SPOCK1: variants seen among roughly 807,000 people sequenced by gnomAD.
The protein encoded by SPOCK1 is testican-1.
In SPOCK1, 23 loss-of-function variants were observed where a neutral mutation model predicts 55.3. The ratio of observed to expected loss-of-function variants is 0.42; its 90% CI spans 0.30 to 0.59. SPOCK1 has a LOEUF of 0.59. SPOCK1 is among the 20% of genes least tolerant of loss of function. SPOCK1 has a pLI of 0.22. For synonymous variants in SPOCK1, 226 were observed against 221.0 expected, an observed-to-expected ratio of 1.02 and a Z score of -0.20; for missense variants, 499 against 552.5, an observed-to-expected ratio of 0.90 and a Z score of 0.97.
chr5:137,031,814 G>A (rs1364869978), intron 6 of SPOCK1, among the ~76,000 whole-genome samples: 1 of 151,900 alleles, frequency 6.6e-6, no homozygotes, highest in African/African-American at 2.4e-5. Flanking sequence ...AGAATTAAGT[G>A]GGTGGCGAAA....
chr5:137,300,856 T>G (rs916852), intron 2 of SPOCK1, among the ~76,000 whole-genome samples: 128,678 of 152,126 alleles, frequency 0.85, 54,626 homozygotes, highest in African/African-American at 0.9. Flanking sequence ...TGAATGGAGG[T>G]CACCCTCACA....
At chr5:137,420,724 T>C (rs1408003505) in intron 2 of SPOCK1, among the ~76,000 whole-genome samples, 3 of 152,176 alleles carry the variant, frequency 2.0e-5, no homozygotes, top group Non-Finnish European at 4.4e-5. Context: ...TCTATCAATT[T>C]CGTTGATCTT....
chr5:137,105,953 C>T (rs1753359658), intron 5 of SPOCK1, among the ~76,000 whole-genome samples: 1 of 152,184 alleles, frequency 6.6e-6, no homozygotes, highest in Admixed American at 6.5e-5. Context: ...ACAGTGCTGG[C>T]TCTCAAGACT....
intron 2 of SPOCK1, among the ~76,000 whole-genome samples, chr5:137,450,048 T>A (rs190158779): frequency 1.1e-3 from 166 of 151,972 alleles, no homozygotes; most frequent in African/African-American, 3.8e-3. Context: ...CAAACACACA[T>A]GGTAGATACC....
chr5:137,432,769 T>C (rs996197002), intron 2 of SPOCK1, among the ~76,000 whole-genome samples: 1 of 152,196 alleles, frequency 6.6e-6, no homozygotes, highest in Admixed American at 6.5e-5. Context: ...TTTAAATAAA[T>C]TTTTAAAATA....
chr5:136,979,184 C>T (rs1379770639), intron 10 of SPOCK1, 148 bp downstream of exon 10: 4 of 1,172,656 alleles, frequency 3.4e-6, no homozygotes, highest in Non-Finnish European at 4.8e-6. Context: ...CACGGGAGCT[C>T]ATGTGATTTC....
intron 2 of SPOCK1, among the ~76,000 whole-genome samples, chr5:137,293,286 C>A (rs1358015488): frequency 6.6e-6 from 1 of 151,928 alleles, no homozygotes; most frequent in South Asian, 2.1e-4. Context: ...GTTCACAGAG[C>A]CCAACAAATT....
chr5:137,483,461 G>A (rs1173585691), intron 2 of SPOCK1, among the ~76,000 whole-genome samples: 1 of 152,186 alleles, frequency 6.6e-6, no homozygotes, highest in East Asian at 1.9e-4. Context: ...ATAAGGGCAG[G>A]GAATGTTGTC....
intron 2 of SPOCK1, among the ~76,000 whole-genome samples, chr5:137,485,254 G>C (rs1754031464): frequency 2.0e-5 from 3 of 152,094 alleles, no homozygotes; most frequent in Non-Finnish European, 1.5e-5. Flanking sequence ...TTTGTCCCTA[G>C]CACTTAAAAC....
intron 2 of SPOCK1, among the ~76,000 whole-genome samples, chr5:137,294,375 C>T (rs113733468): frequency 2.0e-5 from 3 of 152,252 alleles, no homozygotes; most frequent in Non-Finnish European, 2.9e-5. Flanking sequence ...GTATTAGTTA[C>T]GTTTTATAGG....
At chr5:137,402,022 T>C (rs1207047759) in intron 2 of SPOCK1, among the ~76,000 whole-genome samples, 1 of 152,190 alleles carries the variant, frequency 6.6e-6, no homozygotes, top group Non-Finnish European at 1.5e-5. Context: ...TTTGAAATGA[T>C]GCATTTATTA....
intron 2 of SPOCK1, among the ~76,000 whole-genome samples, chr5:137,380,750 C>T (rs940538855): frequency 1.4e-4 from 22 of 152,320 alleles, no homozygotes; most frequent in Middle Eastern, 3.4e-3. Flanking sequence ...CACCTGGCCC[C>T]TCCTGCAATT....
chr5:137,352,703 G>A (rs1750710157), intron 2 of SPOCK1, among the ~76,000 whole-genome samples: 1 of 152,042 alleles, frequency 6.6e-6, no homozygotes, highest in African/African-American at 2.4e-5. Context: ...GGAGAAGGAG[G>A]CATTTAAGTC....
intron 5 of SPOCK1, among the ~76,000 whole-genome samples, chr5:137,106,761 T>A (rs967764054): frequency 2.6e-5 from 4 of 152,124 alleles, no homozygotes; most frequent in African/African-American, 9.7e-5. Flanking sequence ...TATAAACCTT[T>A]GGTAGGTTCC....
At chr5:137,232,705 C>T (rs1300879963) in intron 3 of SPOCK1, among the ~76,000 whole-genome samples, 1 of 152,194 alleles carries the variant, frequency 6.6e-6, no homozygotes, top group Non-Finnish European at 1.5e-5. Flanking sequence ...ATAACCTTAT[C>T]CATGTTTACC....
intron 2 of SPOCK1, among the ~76,000 whole-genome samples, chr5:137,475,108 C>A (rs758544563): frequency 1.3e-5 from 2 of 152,082 alleles, no homozygotes; most frequent in Non-Finnish European, 2.9e-5. Context: ...TGAGACAAGG[C>A]GGCATGGCAT....
intron 2 of SPOCK1, among the ~76,000 whole-genome samples, chr5:137,452,157 C>A (rs1753267594): frequency 6.6e-6 from 1 of 152,164 alleles, no homozygotes. Context: ...AGACCACTAA[C>A]CATGTAGAAA....
intron 2 of SPOCK1, among the ~76,000 whole-genome samples, chr5:137,384,223 C>T (rs1246209313): frequency 2.0e-5 from 3 of 152,214 alleles, no homozygotes; most frequent in Non-Finnish European, 4.4e-5. Flanking sequence ...GTGGCGGGAA[C>T]AAGGCCTCTG....
At chr5:137,467,140 C>G (rs1354115901) in intron 2 of SPOCK1, among the ~76,000 whole-genome samples, 1 of 152,240 alleles carries the variant, frequency 6.6e-6, no homozygotes, top group African/African-American at 2.4e-5. Flanking sequence ...TGGCCTCCAT[C>G]AGGGCAGGCA....
Sources: gnomAD v4.1 joint callset for allele counts (sites outside exome capture counted in the v4.1 genomes callset) on GRCh38, gnomAD v4.1.1 for gene constraint, MANE v1.5 for transcripts, NCBI Gene and HGNC (gene_info 2026-07-23, HGNC 2026-07-21) for gene names.